HNF4A: variants seen among roughly 807,000 people sequenced by gnomAD.
HNF4A encodes hepatocyte nuclear factor 4-alpha.
HNF4A carries 15 observed loss-of-function variants against 52.4 expected under a neutral mutation model. The observed-to-expected ratio is 0.29, with a 90% CI of 0.19 to 0.44. The LOEUF (loss-of-function observed/expected upper bound fraction) is 0.44, where lower values mean the gene tolerates loss of function less well. Ranked by LOEUF, HNF4A falls within the 20% of genes least tolerant of loss-of-function variation. The pLI, the probability that HNF4A is intolerant of heterozygous loss-of-function variation, is 1.00. For synonymous variants in HNF4A, 280 were observed against 264.4 expected (o/e 1.06, Z -0.57); for missense variants, 479 against 647.2 (o/e 0.74, Z 2.82).
chr20:44,407,757 T>TGTGTG (rs2063522597), intron 3 of HNF4A, among the ~76,000 whole-genome samples: 5 of 145,846 alleles, frequency 3.4e-5, no homozygotes, highest in African/African-American at 1.3e-4. Flanking sequence ...AGCAGCCACG[T>TGTGTG]TGTGTGTGTG....
chr20:44,384,915 G>A (rs990587023), intron 1 of HNF4A, among the ~76,000 whole-genome samples: 2 of 152,016 alleles, frequency 1.3e-5, no homozygotes, highest in African/African-American at 4.8e-5. Flanking sequence ...AAAAGGGAGT[G>A]TGATGATCCC....
In HNF4A at chr20:44,414,607, T is replaced by A; in HGVS notation, c.593T>A (p.Leu198His). Residue 198 changes from leucine (L) to histidine (H), a missense_variant, in exon 5 of 10, where the codon CTC becomes CAC. Leu to His is a moderately conservative substitution (Grantham distance 99). Around this residue, in one of 3 missense-constraint regions of HNF4A, gnomAD observed 389 missense variants for 525.1 expected, o/e 0.74. Transcript: ENST00000316099. ...TCCATGAAGGAGCAGCTGCTGGTTC[T>A]CGTTGAGTGGGCCAAGTACATCCCA... is the stretch of plus-strand genomic sequence containing the variant. 1 of 1,614,038 alleles carries A rather than the reference T, an allele frequency of 6.2e-7. No homozygotes were observed. The highest frequency in any genetic ancestry group is 8.5e-7 in the Non-Finnish European group (1 of 1,179,950).
At chr20:44,370,091 A>G (rs2063016727) in intron 1 of HNF4A, among the ~76,000 whole-genome samples, 1 of 151,898 alleles carries the variant, frequency 6.6e-6, no homozygotes, top group Non-Finnish European at 1.5e-5. Flanking sequence ...CGGTGGCGCG[A>G]TCTCGGCTCA....
upstream of HNF4A, among the ~76,000 whole-genome samples, chr20:44,396,396 G>A (rs947906049): frequency 3.3e-5 from 5 of 151,974 alleles, no homozygotes; most frequent in African/African-American, 7.3e-5. Context: ...CCTTACCACC[G>A]TCCACAGCAG....
chr20:44,378,226 T>C (rs1035390277), intron 1 of HNF4A, among the ~76,000 whole-genome samples: 11 of 152,210 alleles, frequency 7.2e-5, no homozygotes, highest in African/African-American at 2.2e-4. Flanking sequence ...CCTTATCAAT[T>C]TGTAGGCATT....
intron 1 of HNF4A, among the ~76,000 whole-genome samples, chr20:44,383,857 A>T (rs1308230834): frequency 1.4e-5 from 2 of 141,080 alleles, no homozygotes; most frequent in Non-Finnish European, 3.1e-5. Context: ...CCTGGCTCCC[A>T]TTTTTTTTTT....
intron 1 of HNF4A, among the ~76,000 whole-genome samples, chr20:44,379,193 T>C (rs1310890588): frequency 1.3e-5 from 2 of 152,194 alleles, no homozygotes; most frequent in African/African-American, 4.8e-5. Flanking sequence ...GATCCATTCA[T>C]CCATTGATTG....
Position 44,429,512 on chromosome 20 carries a change from T to C in HNF4A, c.1283-11T>C, listed in dbSNP as rs767430842. 2.5e-6 allele frequency: 4 copies of C among 1,614,098 alleles called. No individual in the cohort carries two copies. The highest frequency in any genetic ancestry group is 4.5e-5 in the East Asian group (2 of 44,866). The stretch of plus-strand genomic sequence containing the variant: ...TTTGAGCAGCCCCTGTCTGTCTGTT[T>C]GTCCTTCCAGCCACCCCTGAGACCC... On this transcript the variant is annotated splice_polypyrimidine_tract_variant and intron_variant, in intron 9 of 9. Transcript: ENST00000316099.
At chr20:44,382,163 C>T (rs1385775889) in intron 1 of HNF4A, among the ~76,000 whole-genome samples, 1 of 152,176 alleles carries the variant, frequency 6.6e-6, no homozygotes, top group Non-Finnish European at 1.5e-5. Flanking sequence ...CCTTTCTCTC[C>T]TCTTCTCCAA....
At chr20:44,403,902 C>A (rs1818981615) in intron 1 of HNF4A, among the ~76,000 whole-genome samples, 1 of 152,200 alleles carries the variant, frequency 6.6e-6, no homozygotes, top group Non-Finnish European at 1.5e-5. Flanking sequence ...ACTTCCCCAG[C>A]CTCCTGCTGA....
chr20:44,419,147 C>G (rs774041701), intron 6 of HNF4A, among the ~76,000 whole-genome samples: 1 of 152,154 alleles, frequency 6.6e-6, no homozygotes, highest in African/African-American at 2.4e-5. Flanking sequence ...AGCCCCAGCC[C>G]GCGTCACCTG....
upstream of HNF4A, chr20:44,401,137 C>T (rs2063401646): frequency 6.8e-6 from 9 of 1,327,922 alleles, no homozygotes; most frequent in South Asian, 3.0e-5. Flanking sequence ...CCTGCAGCCC[C>T]GCCCAGCCTA....
chr20:44,369,027 C>T (rs1306205488), intron 1 of HNF4A, among the ~76,000 whole-genome samples: 1 of 151,826 alleles, frequency 6.6e-6, no homozygotes, highest in African/African-American at 2.4e-5. Context: ...GCGGGCAGAT[C>T]ACAAGGTCAG....
At chr20:44,407,704 C>G (rs1466452438) in intron 3 of HNF4A, among the ~76,000 whole-genome samples, 1 of 152,044 alleles carries the variant, frequency 6.6e-6, no homozygotes, top group East Asian at 1.9e-4. Context: ...TCCTCAGGCT[C>G]CCAGCAACCA....
In HNF4A at chr20:44,418,538, G is replaced by C. The variant is rs920552324; in HGVS notation, c.736+26G>C. On this transcript the variant is annotated intron_variant, in intron 6 of 9. Coordinates refer to ENST00000316099, the MANE Select transcript of HNF4A (RefSeq NM_000457.6). The stretch of plus-strand genomic sequence containing the variant: ...GTGAGGCGGCTGCCTGCCCTGGCCA[G>C]GGCTCCAGGGAGGGTATGCCTAGCA... 4 of 1,560,472 alleles carry C rather than the reference G, an allele frequency of 2.6e-6. No homozygotes were observed. In the African/African-American group the frequency reaches 5.4e-5, roughly 21 times the overall value.
chr20:44,427,064 G>T (rs529453628), intron 8 of HNF4A, among the ~76,000 whole-genome samples: 1 of 152,210 alleles, frequency 6.6e-6, no homozygotes, highest in Non-Finnish European at 1.5e-5. Flanking sequence ...GTTGTGTGGG[G>T]CTGTCCTGTA....
chr20:44,377,981 T>A (rs1304757303), intron 1 of HNF4A: 1 of 152,220 alleles, frequency 6.6e-6, no homozygotes, highest in Non-Finnish European at 1.5e-5. Context: ...GCTAAATTGC[T>A]CATTCTTGAA....
At position 44,364,529 on chromosome 20, in the gene HNF4A, G is replaced by A. The variant is rs907053777; in HGVS notation, c.49+8676G>A. Among the ~76,000 whole-genome samples the A allele has an allele frequency of 8.6e-5, 13 of 151,820 alleles. No homozygotes were observed. In the South Asian group the frequency reaches 1.5e-3, roughly 17 times the overall value. On this transcript the variant is annotated intron_variant, in intron 1 of 9. Coordinates refer to the HNF4A transcript ENST00000316673. ...TCTGTCACCCAGGCTGGAGTGCAGC[G>A]GCACGATCTTGGCTCACTGCAACCT...
chr20:44,414,149 A>AAGGGCTT (rs1312568428), intron 4 of HNF4A, among the ~76,000 whole-genome samples: 6 of 152,178 alleles, frequency 3.9e-5, no homozygotes, highest in Non-Finnish European at 2.9e-5. Flanking sequence ...TCCCTTGCTG[A>AAGGGCTT]GTGACCTTGG....
Sources: gnomAD v4.1 joint callset for allele counts (sites outside exome capture counted in the v4.1 genomes callset) on GRCh38, gnomAD v4.1.1 for gene constraint, gnomAD v4.1.1 regional missense constraint, MANE v1.5 for transcripts, NCBI Gene and HGNC (gene_info 2026-07-23, HGNC 2026-07-21) for gene names.